Variants in ARID5B observed in about 807,000 individuals in gnomAD.
ARID5B encodes AT-rich interactive domain-containing protein 5B.
Under a neutral mutation model 97.2 loss-of-function variants are expected in ARID5B, and 13 were observed. The observed-to-expected ratio is 0.13, with a 90% confidence interval of 0.09 to 0.21. The LOEUF is 0.21. Among genes scored for constraint, ARID5B ranks in the 10% least tolerant of loss-of-function variants. The pLI is 1.00. For missense variants in ARID5B, 1,210 were observed against 1,465.3 expected (o/e 0.83, Z 2.84); for synonymous variants, 556 against 570.3 (o/e 0.97, Z 0.36).
chr10:61,966,473 T>C (rs1168627361), intron 3 of ARID5B, among the ~76,000 whole-genome samples: 1 of 152,138 alleles, frequency 6.6e-6, no homozygotes, highest in East Asian at 1.9e-4. Flanking sequence ...TCACAGTAAT[T>C]TTCCCATCGT....
rs376632312 is a variant in ARID5B, at chr10:62,091,816, C to T, written c.2353C>T (p.Arg785Cys). 55 of 1,614,064 alleles carry T rather than the reference C, an allele frequency of 3.4e-5. No individual in the cohort carries two copies. In the South Asian group the frequency reaches 3.7e-4, roughly 11 times the overall value. Residue 785 changes from arginine (R) to cysteine (C), a missense_variant, in exon 10 of 10, where the codon CGC becomes TGC. Arg to Cys is a radical substitution (Grantham distance 180, BLOSUM62 -3). Coordinates refer to ENST00000279873, the MANE Select transcript of ARID5B (RefSeq NM_032199.3). ...HEKLSRSDPH[R>C]CSFSKHHLNP... ...GAAACTGAGTCGATCAGATCCCCAC[C>T]GCTGCAGCTTCTCCAAGCATCACCT...
chr10:62,002,602 C>A (rs1489902382), intron 4 of ARID5B, among the ~76,000 whole-genome samples: 69 of 152,192 alleles, frequency 4.5e-4, no homozygotes, highest in Non-Finnish European at 1.5e-5. Context: ...ACCTAAATTT[C>A]CAAAGAGCAC....
chr10:61,955,306 T>TA (rs2132815572), intron 3 of ARID5B, among the ~76,000 whole-genome samples: 1 of 152,266 alleles, frequency 6.6e-6, no homozygotes, highest in East Asian at 1.9e-4. Context: ...ACAAGTGGAG[T>TA]ACTGGCAATT....
intron 3 of ARID5B, among the ~76,000 whole-genome samples, chr10:61,949,230 T>C (rs908830911): frequency 3.3e-5 from 5 of 152,276 alleles, no homozygotes; most frequent in Admixed American, 2.6e-4. Context: ...TAAATTTTCA[T>C]ATGTGATAGT....
chr10:61,997,034 T>C lies in ARID5B; in HGVS notation c.503-3057T>C, dbSNP rs562141258. On this transcript the variant is annotated intron_variant, in intron 3 of 9. Coordinates refer to ENST00000279873, the MANE Select transcript of ARID5B (RefSeq NM_032199.3). The stretch of plus-strand genomic sequence containing the variant: ...GATGCTTGTTGAAAAGGTAAATTCC[T>C]AGACCCCAGCCTTAGAGATGCTGAG... Among the ~76,000 whole-genome samples the C allele has an allele frequency of 2.0e-5, 3 of 152,166 alleles. No homozygotes were observed. In the East Asian group the frequency reaches 5.8e-4, roughly 29 times the overall value.
rs948006792 is a variant in ARID5B at position 62,092,087 on chromosome 10, A to G, written c.2624A>G (p.His875Arg). ...SENSSFPSHR[H>R]QEKLHVNYLT... ...AACAGTTCTTTTCCTTCCCACAGAC[A>G]CCAAGAAAAGCTCCATGTAAATTAT... The change falls in exon 10 of 10, where the codon CAC becomes CGC. Residue 875 changes from histidine to arginine, a missense_variant. Physicochemically the swap from His to Arg is conservative, Grantham distance 29 (BLOSUM62 0). Transcript: ENST00000279873. The G allele has an allele frequency of 1.2e-6, 2 of 1,613,606 alleles. No homozygotes were observed. Among genetic ancestry groups the G allele is most frequent in the Non-Finnish European group, 1.7e-6 (2 of 1,179,874 alleles).
chr10:61,986,968 T>C (rs1838855515), intron 3 of ARID5B, among the ~76,000 whole-genome samples: 1 of 152,000 alleles, frequency 6.6e-6, no homozygotes, highest in African/African-American at 2.4e-5. Flanking sequence ...ACTATAGAGA[T>C]GGGGTTAGGG....
intron 2 of ARID5B, among the ~76,000 whole-genome samples, chr10:61,927,258 A>T (rs1170680741): frequency 6.6e-6 from 1 of 152,150 alleles, no homozygotes; most frequent in Non-Finnish European, 1.5e-5. Flanking sequence ...CAGCATCCTA[A>T]CTACCCTATG....
intron 2 of ARID5B, among the ~76,000 whole-genome samples, chr10:61,904,018 G>A (rs1020581197): frequency 9.2e-5 from 14 of 151,474 alleles, no homozygotes; most frequent in African/African-American, 1.7e-4. Flanking sequence ...AACAGGTTGA[G>A]CTCTTTCCCC....
intron 2 of ARID5B, among the ~76,000 whole-genome samples, chr10:61,931,173 A>G (rs896544920): frequency 6.6e-6 from 1 of 152,144 alleles, no homozygotes; most frequent in Non-Finnish European, 1.5e-5. Context: ...GACCCTTTAC[A>G]CTCAACTTAT....
intron 5 of ARID5B, among the ~76,000 whole-genome samples, chr10:62,056,809 G>T (rs981525556): frequency 2.0e-5 from 3 of 152,064 alleles, no homozygotes; most frequent in Non-Finnish European, 4.4e-5. Flanking sequence ...TTGGAACACA[G>T]CCACACCCAT....
chr10:61,919,785 T>C (rs757304186), intron 2 of ARID5B, among the ~76,000 whole-genome samples: 16 of 152,194 alleles, frequency 1.1e-4, no homozygotes, highest in Non-Finnish European at 2.2e-4. Context: ...GCATTGGTTG[T>C]AAAATATGCA....
At chr10:62,028,607 C>T (rs1376246249) in intron 4 of ARID5B, among the ~76,000 whole-genome samples, 2 of 152,166 alleles carry the variant, frequency 1.3e-5, no homozygotes, top group Non-Finnish European at 2.9e-5. Context: ...AATCATGATA[C>T]TACTCACTTC....
At chr10:62,057,412 C>A in intron 6 of ARID5B, 94 bp downstream of exon 6, 2 of 1,267,040 alleles carry the variant, frequency 1.6e-6, no homozygotes, top group Non-Finnish European at 2.2e-6. Context: ...TGTTGAAATC[C>A]TAATCTGGGG....
At chr10:62,058,813 G>A (rs1839888201) in intron 6 of ARID5B, among the ~76,000 whole-genome samples, 1 of 152,134 alleles carries the variant, frequency 6.6e-6, no homozygotes, top group South Asian at 2.1e-4. Context: ...TATTAAAGTG[G>A]CTGTTATTTA....
intron 3 of ARID5B, among the ~76,000 whole-genome samples, chr10:61,992,634 C>T (rs992861878): frequency 6.6e-5 from 10 of 151,998 alleles, no homozygotes; most frequent in African/African-American, 2.4e-4. Flanking sequence ...GTGATGTTTT[C>T]GTTGCCTATC....
intron 3 of ARID5B, among the ~76,000 whole-genome samples, chr10:61,943,616 T>C (rs754505194): frequency 1.5e-4 from 23 of 152,146 alleles, no homozygotes; most frequent in Non-Finnish European, 2.8e-4. Context: ...AATAATTAGA[T>C]TGGTTCTTAG....
intron 2 of ARID5B, among the ~76,000 whole-genome samples, chr10:61,915,633 G>A (rs1476474966): frequency 6.6e-6 from 1 of 152,176 alleles, no homozygotes; most frequent in African/African-American, 2.4e-5. Flanking sequence ...GACACCTGGG[G>A]TGCATATTTA....
intron 4 of ARID5B, among the ~76,000 whole-genome samples, chr10:62,008,599 C>G (rs1839176958): frequency 6.6e-6 from 1 of 152,334 alleles, no homozygotes; most frequent in Non-Finnish European, 1.5e-5. Flanking sequence ...TGGTGCCAGC[C>G]ACCAATACCC....
Sources: allele counts gnomAD v4.1 joint callset (sites outside exome capture counted in the v4.1 genomes callset), GRCh38; gene constraint gnomAD v4.1.1; transcripts MANE v1.5; gene names NCBI Gene and HGNC (gene_info 2026-07-23, HGNC 2026-07-21).